Variants in YJU2B observed in about 807,000 individuals in gnomAD.
The protein encoded by YJU2B is YJU2 splicing factor homolog B.
A neutral mutation model predicts 38.0 loss-of-function variants in YJU2B; 18 were observed. The observed-to-expected ratio is 0.47, with a 90% CI of 0.33 to 0.70. The LOEUF is 0.70. Ranked by LOEUF, YJU2B falls within the 30% of genes least tolerant of loss-of-function variation. The pLI is 0.02. For synonymous variants in YJU2B, 246 were observed against 225.4 expected (o/e 1.09, Z -0.82); for missense variants, 538 against 556.3 (o/e 0.97, Z 0.33).
intron 8 of YJU2B, among the ~76,000 whole-genome samples, chr19:13,761,755 C>G (rs1001565411): frequency 7.1e-5 from 9 of 126,530 alleles, no homozygotes; most frequent in Non-Finnish European, 1.1e-4. Flanking sequence ...ACAGTCTCCC[C>G]CCTTTCGCCC....
chr19:13,746,263 T>C (rs1232271124), upstream of YJU2B, among the ~76,000 whole-genome samples: 1 of 150,862 alleles, frequency 6.6e-6, no homozygotes, highest in Non-Finnish European at 1.5e-5. Flanking sequence ...AAAAAAAAAG[T>C]AAATTCAAAA....
rs1224233880 is a variant in YJU2B, at chr19:13,762,409, G to A, written c.684G>A (p.Ala228=). ...AGACGGAAGATGACCGCAAGCTGGCGGCTCTGCTGAAGTTCCACACCCTGG... is the reference window on the plus strand; with the variant it reads ...AGACGGAAGATGACCGCAAGCTGGCAGCTCTGCTGAAGTTCCACACCCTGG... ...VPETEDDRKL[A]ALLKFHTLDS... Residue 228 remains alanine, a synonymous_variant, in exon 9 of 10, where the codon GCG becomes GCA. Transcript: ENST00000221554. 1 of 1,613,424 alleles carries A rather than the reference G, an allele frequency of 6.2e-7. No individual in the cohort carries two copies. The highest frequency in any genetic ancestry group is 8.5e-7 in the Non-Finnish European group (1 of 1,180,000).
chr19:13,740,446 A>G lies in YJU2B; in HGVS notation c.-202+8161A>G, dbSNP rs141863388. ...AGGCTGGTCTTGACCTCCTGGCCTCAAGTGATCCTCCCGCTTTTGCCTCTC... is the reference window on the plus strand; with the variant it reads ...AGGCTGGTCTTGACCTCCTGGCCTCGAGTGATCCTCCCGCTTTTGCCTCTC... On this transcript the variant is annotated intron_variant, in intron 2 of 10. Transcript: ENST00000586600. 4.3e-3 allele frequency among the ~76,000 whole-genome samples: 660 copies of G among 152,156 alleles called. 3 individuals are homozygous for G. Among genetic ancestry groups the G allele is most frequent in the African/African-American group, 0.015 (639 of 41,514 alleles).
In YJU2B at chr19:13,763,233, T is replaced by G. The variant is rs751322630; in HGVS notation, c.*165T>G. ...TGCAACCGTGGAGTTATTTATTTGGTCCTGGTGAGGGTGTTTGTGCCTTGT... is the reference window on the plus strand; with the variant it reads ...TGCAACCGTGGAGTTATTTATTTGGGCCTGGTGAGGGTGTTTGTGCCTTGT... On this transcript the variant is annotated 3_prime_UTR_variant, in exon 10 of 10. Coordinates refer to ENST00000221554, the MANE Select transcript of YJU2B (RefSeq NM_030818.4). 3 of 577,868 alleles carry G rather than the reference T, an allele frequency of 5.2e-6. No homozygotes were observed. Among genetic ancestry groups the G allele is most frequent in the Non-Finnish European group, 9.0e-6 (3 of 332,850 alleles). The allele number at this position is 577,868 out of a possible 1,614,324, so 35.8% of individuals were successfully genotyped here. A position where few individuals can be genotyped will look rare whatever the true frequency, so the allele number is the denominator to read the frequency against.
intron 5 of YJU2B, 70 bp downstream of exon 5, chr19:13,757,543 G>A (rs935934132): frequency 2.9e-6 from 4 of 1,360,100 alleles, no homozygotes; most frequent in African/African-American, 2.9e-5. Flanking sequence ...TGCCGCCGGG[G>A]TGGGGGTGGG....
chr19:13,748,167 C>T (rs1973322250), intron 1 of YJU2B, among the ~76,000 whole-genome samples: 1 of 152,198 alleles, frequency 6.6e-6, no homozygotes. Flanking sequence ...GACCCGGTCC[C>T]ATCCTAGCCC....
At chr19:13,736,108 C>T (rs1365743997) in intron 2 of YJU2B, among the ~76,000 whole-genome samples, 6 of 151,792 alleles carry the variant, frequency 4.0e-5, no homozygotes, top group African/African-American at 1.5e-4. Flanking sequence ...TAGGAGTATC[C>T]CAAGTCTGGA....
At chr19:13,746,497 C>T (rs1456642199), upstream of YJU2B, among the ~76,000 whole-genome samples, 1 of 152,190 alleles carries the variant, frequency 6.6e-6, no homozygotes, top group Non-Finnish European at 1.5e-5. Flanking sequence ...TTCCCTTCAC[C>T]TTTATAGGTT....
intron 3 of YJU2B, among the ~76,000 whole-genome samples, chr19:13,755,473 A>T (rs1312633094): frequency 6.6e-6 from 1 of 151,820 alleles, no homozygotes; most frequent in African/African-American, 2.4e-5. Context: ...AAAAAAAAAA[A>T]AAAAATAAGG....
rs757972465 is a variant in YJU2B, at chr19:13,763,084, G to A, written c.*16G>A. On this transcript the variant is annotated 3_prime_UTR_variant, in exon 10 of 10. Coordinates refer to ENST00000221554, the MANE Select transcript of YJU2B (RefSeq NM_030818.4). ...GAGTGAGTGAGCGATCCCCATCCTG[G>A]AGACTGGACCCGCTCTAGAGGCCCG... 6.5e-7 allele frequency: 1 copy of A among 1,530,702 alleles called. No homozygotes were observed. Among genetic ancestry groups the A allele is most frequent in the Non-Finnish European group, 8.8e-7 (1 of 1,138,182 alleles). The allele number at this position is 1,530,702 out of a possible 1,614,324, so 94.8% of individuals were successfully genotyped here.
intron 2 of YJU2B, among the ~76,000 whole-genome samples, chr19:13,735,977 G>C (rs1972934161): frequency 6.6e-6 from 1 of 151,482 alleles, no homozygotes; most frequent in Non-Finnish European, 1.5e-5. Flanking sequence ...GCATGAACCT[G>C]GGAGGCAGAG....
chr19:13,741,952 CA>C (rs1426715161), intron 2 of YJU2B, among the ~76,000 whole-genome samples: 1 of 152,128 alleles, frequency 6.6e-6, no homozygotes, highest in African/African-American at 2.4e-5. Flanking sequence ...ATCAAATATC[CA>C]GGAAATATTA....
chr19:13,736,047 G>A (rs1159121275), intron 2 of YJU2B, among the ~76,000 whole-genome samples: 1 of 129,724 alleles, frequency 7.7e-6, no homozygotes, highest in African/African-American at 2.9e-5. Flanking sequence ...GGGAGACTCC[G>A]TCTCAAAAAA....
chr19:13,747,575 AT>A (rs1374094705), upstream of YJU2B, among the ~76,000 whole-genome samples: 1 of 152,206 alleles, frequency 6.6e-6, no homozygotes, highest in African/African-American at 2.4e-5. Flanking sequence ...GGTTCAAGCA[AT>A]TCTTTTGCCT....
chr19:13,750,878 A>G (rs1366015622), intron 1 of YJU2B, among the ~76,000 whole-genome samples: 1 of 151,286 alleles, frequency 6.6e-6, no homozygotes, highest in Non-Finnish European at 1.5e-5. Context: ...AAAAAAAAAA[A>G]AAGCCTGTAA....
chr19:13,760,214 G>A (rs77223962), intron 8 of YJU2B, among the ~76,000 whole-genome samples: 7,150 of 152,068 alleles, frequency 0.047, 560 homozygotes, highest in African/African-American at 0.16. Flanking sequence ...GTGAGCCACC[G>A]AGACCAGCCA....
chr19:13,741,151 CTTTT>C (rs71170552), intron 2 of YJU2B, among the ~76,000 whole-genome samples: 4 of 100,838 alleles, frequency 4.0e-5, no homozygotes, highest in Admixed American at 1.1e-4. Context: ...TTATAGATTT[CTTTT>C]TTTTTTTTTT....
intron 9 of YJU2B, 61 bp downstream of exon 9, chr19:13,762,498 G>C: frequency 3.8e-6 from 6 of 1,587,980 alleles, no homozygotes; most frequent in Non-Finnish European, 5.1e-6. Context: ...GGAGATGGGG[G>C]GTCCTCAGCC....
intron 5 of YJU2B, 74 bp downstream of exon 5, chr19:13,757,547 G>A (rs1599529561): frequency 7.6e-7 from 1 of 1,312,570 alleles, no homozygotes; most frequent in Non-Finnish European, 1.1e-6. Flanking sequence ...GCCGGGGTGG[G>A]GGTGGGAGGG....
Sources: gnomAD v4.1 joint callset for allele counts (sites outside exome capture counted in the v4.1 genomes callset) on GRCh38, gnomAD v4.1.1 for gene constraint, MANE v1.5 for transcripts, NCBI Gene and HGNC (gene_info 2026-07-23, HGNC 2026-07-21) for gene names.